The following GRID2 variants were observed in gnomAD, a reference collection of about 807,000 sequenced individuals.
The protein encoded by GRID2 is glutamate receptor ionotropic, delta-2.
Under a neutral mutation model 114.8 loss-of-function variants are expected in GRID2, and 33 were observed. The ratio of observed to expected loss-of-function variants is 0.29; its 90% confidence interval spans 0.22 to 0.38. The LOEUF is 0.38. GRID2 is among the 10% of genes least tolerant of loss of function. The pLI, the probability that GRID2 is intolerant of heterozygous loss-of-function variation, is 1.00. For synonymous variants in GRID2, 505 were observed against 449.9 expected, an observed-to-expected ratio of 1.12 and a Z score of -1.55; for missense variants, 1,184 against 1,257.7, an observed-to-expected ratio of 0.94 and a Z score of 0.89.
chr4:93,604,102 T>C (rs2149646600), intron 13 of GRID2, among the ~76,000 whole-genome samples: 1 of 152,352 alleles, frequency 6.6e-6, no homozygotes, highest in Non-Finnish European at 1.5e-5. Flanking sequence ...TAAGTGATTT[T>C]TATGATGAAT....
intron 2 of GRID2, among the ~76,000 whole-genome samples, chr4:92,713,476 C>CATATACATATACATATAT (rs1553919724): frequency 1.9e-5 from 1 of 54,040 alleles, no homozygotes; most frequent in African/African-American, 7.1e-5. Context: ...TATACATATA[C>CATATACATATACATATAT]ATATATATAT....
At chr4:93,755,671 T>A (rs1039765100) in intron 14 of GRID2, among the ~76,000 whole-genome samples, 2 of 152,210 alleles carry the variant, frequency 1.3e-5, no homozygotes, top group Non-Finnish European at 2.9e-5. Context: ...AATAAAATGC[T>A]ATACATTTAA....
chr4:92,717,186 T>G lies in GRID2; in HGVS notation c.244+126900T>G, dbSNP rs181094970. Among the ~76,000 whole-genome samples the G allele has an allele frequency of 4.1e-3, 625 of 152,184 alleles. 5 individuals carry two copies. The highest frequency in any genetic ancestry group is 0.014 in the African/African-American group (579 of 41,524). On this transcript the variant is annotated intron_variant, in intron 2 of 15. Coordinates refer to ENST00000282020, the MANE Select transcript of GRID2 (RefSeq NM_001510.4). ...ATCTCCATTCTTCTTTATGGACACT[T>G]GAAAATGCCCTGAGAAAATCTTACG... is the stretch of plus-strand genomic sequence containing the variant.
intron 8 of GRID2, among the ~76,000 whole-genome samples, chr4:93,332,251 AGT>A (rs3043887): frequency 0.62 from 78,675 of 126,510 alleles, 25,625 homozygotes; most frequent in African/African-American, 0.83. Context: ...CCAGAAAAAG[AGT>A]GTGTGTGTGT....
At chr4:92,674,648 A>G (rs376553550) in intron 2 of GRID2, among the ~76,000 whole-genome samples, 66 of 152,174 alleles carry the variant, frequency 4.3e-4, no homozygotes, top group African/African-American at 1.5e-3. Flanking sequence ...CAGCCTCCCA[A>G]GTAGCTGGGA....
intron 2 of GRID2, among the ~76,000 whole-genome samples, chr4:92,853,270 CA>C (rs1163047694): frequency 3.3e-5 from 5 of 151,852 alleles, no homozygotes; most frequent in Admixed American, 3.3e-4. Context: ...AAAGGAATGT[CA>C]AATAAATAAT....
intron 2 of GRID2, among the ~76,000 whole-genome samples, chr4:92,741,566 T>C (rs1736894828): frequency 6.6e-6 from 1 of 152,190 alleles, no homozygotes; most frequent in South Asian, 2.1e-4. Flanking sequence ...CCCAGATTCA[T>C]ACTTTTATTT....
At chr4:92,614,354 T>A (rs1319971466) in intron 2 of GRID2, among the ~76,000 whole-genome samples, 1 of 151,634 alleles carries the variant, frequency 6.6e-6, no homozygotes, top group Non-Finnish European at 1.5e-5. Flanking sequence ...TCCAATAAAG[T>A]CGTTTAAAGC....
At chr4:92,609,389 G>C (rs557047487) in intron 2 of GRID2, among the ~76,000 whole-genome samples, 1 of 150,262 alleles carries the variant, frequency 6.7e-6, no homozygotes, top group Non-Finnish European at 1.5e-5. Flanking sequence ...TATTCTAGTT[G>C]AAGAAAAAAA....
chr4:93,170,331 G>T (rs1402307108), intron 4 of GRID2, among the ~76,000 whole-genome samples: 2 of 152,054 alleles, frequency 1.3e-5, no homozygotes, highest in Admixed American at 6.6e-5. Context: ...TGATCCACCC[G>T]CCTTGGACTC....
chr4:92,493,435 A>C (rs1164840210), intron 1 of GRID2, among the ~76,000 whole-genome samples: 1 of 152,140 alleles, frequency 6.6e-6, no homozygotes, highest in Non-Finnish European at 1.5e-5. Context: ...ATAGCCCAGC[A>C]CTCATAAAAT....
rs1434958625 is a variant in GRID2 at position 93,207,464 on chromosome 4, C to A, written c.789+7C>A. The A allele has an allele frequency of 6.5e-7, 1 of 1,538,984 alleles. No homozygotes were observed. The highest frequency in any genetic ancestry group is 2.3e-5 in the East Asian group (1 of 44,250). On this transcript the variant is annotated splice_region_variant and intron_variant, in intron 5 of 15. Transcript: ENST00000282020. The stretch of plus-strand genomic sequence containing the variant: ...CTGGATCATTATAAATGAGGTAAAG[C>A]CAACTAAACCTTATTGTTAACTCTG...
At chr4:92,354,892 A>G (rs576350878) in intron 1 of GRID2, among the ~76,000 whole-genome samples, 3 of 152,034 alleles carry the variant, frequency 2.0e-5, no homozygotes, top group South Asian at 4.1e-4. Context: ...ACCACCTCCC[A>G]CCTTTATTAC....
chr4:92,911,218 A>C (rs1414288761), intron 2 of GRID2, among the ~76,000 whole-genome samples: 1 of 152,056 alleles, frequency 6.6e-6, no homozygotes, highest in Non-Finnish European at 1.5e-5. Flanking sequence ...AAAGGATTGA[A>C]AGCAACTTTA....
chr4:92,706,741 T>C (rs1560543701), intron 2 of GRID2, among the ~76,000 whole-genome samples: 1 of 152,204 alleles, frequency 6.6e-6, no homozygotes. Context: ...CCAAATTCTA[T>C]CTTACATGTA....
intron 13 of GRID2, among the ~76,000 whole-genome samples, chr4:93,518,077 A>ATT (rs1729982015): frequency 6.8e-6 from 1 of 147,922 alleles, no homozygotes; most frequent in African/African-American, 2.5e-5. Flanking sequence ...ATATACATAT[A>ATT]TATATACACA....
At chr4:93,570,372 CT>C (rs1735826998) in intron 13 of GRID2, among the ~76,000 whole-genome samples, 2 of 152,086 alleles carry the variant, frequency 1.3e-5, no homozygotes, top group Non-Finnish European at 2.9e-5. Context: ...TAGAATGGAA[CT>C]TCTTAGGTTG....
rs191238355 is a variant in GRID2 at position 93,653,335 on chromosome 4, A to G, written c.2360+26900A>G. Among the ~76,000 whole-genome samples the G allele has an allele frequency of 5.3e-4, 80 of 152,314 alleles. No homozygotes were observed. In the Middle Eastern group the frequency reaches 0.01, roughly 19 times the overall value. The stretch of plus-strand genomic sequence containing the variant: ...AGAGAAGGCAAATTCCGTTTTTATT[A>G]GTTAATATATTTGGCAACTTCTCCT... On this transcript the variant is annotated intron_variant, in intron 14 of 15. Transcript: ENST00000282020.
intron 2 of GRID2, among the ~76,000 whole-genome samples, chr4:92,949,838 C>T (rs1386350253): frequency 6.6e-6 from 1 of 151,864 alleles, no homozygotes; most frequent in African/African-American, 2.4e-5. Context: ...GAGGGACTAT[C>T]TCTTAAAGAT....
Sources: gnomAD v4.1 joint callset for allele counts (sites outside exome capture counted in the v4.1 genomes callset) on GRCh38, gnomAD v4.1.1 for gene constraint, MANE v1.5 for transcripts, NCBI Gene and HGNC (gene_info 2026-07-23, HGNC 2026-07-21) for gene names.